The following SMARCC1 variants were observed in gnomAD, a reference collection of about 807,000 sequenced individuals.
The protein encoded by SMARCC1 is SWI/SNF related BAF chromatin remodeling complex subunit C1.
A neutral mutation model predicts 147.4 loss-of-function variants in SMARCC1; 43 were observed. The observed-to-expected ratio is 0.29, with a 90% CI of 0.23 to 0.38. The LOEUF is 0.38. Among genes scored for constraint, SMARCC1 ranks in the 10% least tolerant of loss-of-function variants. SMARCC1 has a pLI of 1.00. For synonymous variants in SMARCC1, 495 were observed against 484.4 expected, an observed-to-expected ratio of 1.02 and a Z score of -0.29; for missense variants, 1,119 against 1,381.1, an observed-to-expected ratio of 0.81 and a Z score of 3.01.
chr3:47,728,623 T>C (rs2034329655), intron 6 of SMARCC1, among the ~76,000 whole-genome samples: 1 of 152,128 alleles, frequency 6.6e-6, no homozygotes, highest in African/African-American at 2.4e-5. Flanking sequence ...AAAGTTAATG[T>C]TGGCTGGGCG....
In SMARCC1 at chr3:47,781,801, C is replaced by T; in HGVS notation, c.-4G>A. On this transcript the variant is annotated 5_prime_UTR_variant, in exon 1 of 28. Transcript: ENST00000254480. Reference sequence around the variant, plus strand: ...CGCCGCCCGCCGCTGCGGCCATCGTCGCAGCCCGTCGTCCCCACAGCCTGG... The same window carrying T: ...CGCCGCCCGCCGCTGCGGCCATCGTTGCAGCCCGTCGTCCCCACAGCCTGG... 3 of 1,425,492 alleles carry T rather than the reference C, an allele frequency of 2.1e-6. No individual in the cohort carries two copies. The highest frequency in any genetic ancestry group is 2.8e-6 in the Non-Finnish European group (3 of 1,090,830). 88.3% of individuals were successfully genotyped at this position (1,425,492 alleles called of 1,614,324 possible).
chr3:47,733,585 T>C (rs539659175), intron 5 of SMARCC1, among the ~76,000 whole-genome samples: 12 of 149,462 alleles, frequency 8.0e-5, no homozygotes, highest in Middle Eastern at 3.5e-3. Flanking sequence ...TACTAAAAAA[T>C]AAAAAATTAG....
At chr3:47,777,802 A>G (rs2034993443) in intron 1 of SMARCC1, among the ~76,000 whole-genome samples, 1 of 151,870 alleles carries the variant, frequency 6.6e-6, no homozygotes, top group South Asian at 2.1e-4. Flanking sequence ...TGCTGGGATT[A>G]CAGGTGTGAG....
At chr3:47,757,586 C>G (rs2034715559) in intron 2 of SMARCC1, among the ~76,000 whole-genome samples, 1 of 151,894 alleles carries the variant, frequency 6.6e-6, no homozygotes, top group Non-Finnish European at 1.5e-5. Context: ...ACCATCCTGG[C>G]TAACACGTGA....
chr3:47,745,241 A>C (rs2034552345), intron 3 of SMARCC1, among the ~76,000 whole-genome samples: 8 of 151,950 alleles, frequency 5.3e-5, no homozygotes, highest in Admixed American at 5.3e-4. Flanking sequence ...TGGGCGAAAA[A>C]GCGCAACTAA....
chr3:47,706,350 G>A (rs2033994165), intron 10 of SMARCC1, 59 bp downstream of exon 10: 3 of 1,433,208 alleles, frequency 2.1e-6, no homozygotes, highest in East Asian at 2.7e-5. Flanking sequence ...GGGATTATAA[G>A]TGTAAGCCAC....
At chr3:47,640,223 T>C (rs2033030372) in intron 21 of SMARCC1, among the ~76,000 whole-genome samples, 1 of 149,468 alleles carries the variant, frequency 6.7e-6, no homozygotes, top group Non-Finnish European at 1.5e-5. Flanking sequence ...AAGAAAACAA[T>C]ATAGAAAGTA....
chr3:47,668,985 A>C (rs1469366538), intron 19 of SMARCC1, among the ~76,000 whole-genome samples: 1 of 152,234 alleles, frequency 6.6e-6, no homozygotes, highest in Non-Finnish European at 1.5e-5. Flanking sequence ...TTTGATTATA[A>C]ATCCATTTAA....
intron 25 of SMARCC1, among the ~76,000 whole-genome samples, chr3:47,612,593 G>GA (rs899997759): frequency 3.1e-4 from 47 of 152,250 alleles, no homozygotes; most frequent in African/African-American, 1.1e-3. Flanking sequence ...AAGAAAAAAA[G>GA]AATCTACTAA....
Position 47,661,348 on chromosome 3 carries a change from C to G in SMARCC1, c.2266G>C (p.Gly756Arg). Residue 756 changes from glycine (G) to arginine (R), a missense_variant, in exon 21 of 28, where the codon GGT (glycine) becomes CGT (arginine). This residue lies in a region of SMARCC1 where 157 missense variants were observed against 158.6 expected (regional missense o/e 0.99). Coordinates refer to ENST00000254480, the MANE Select transcript of SMARCC1 (RefSeq NM_003074.4). The part of the protein sequence containing the change: ...RASGKVDPTY[G>R]LESSCIAGTG... Reference sequence around the variant, plus strand: ...CCTGCAATGCAGCTGCTCTCCAGACCGTAGGTGGGATCCACTTTCCCAGAG... The same window carrying G: ...CCTGCAATGCAGCTGCTCTCCAGACGGTAGGTGGGATCCACTTTCCCAGAG... The G allele has an allele frequency of 6.2e-7, 1 of 1,613,878 alleles. No individual in the cohort carries two copies.
chr3:47,656,560 C>T (rs2033264389), intron 21 of SMARCC1, among the ~76,000 whole-genome samples: 2 of 152,162 alleles, frequency 1.3e-5, no homozygotes, highest in South Asian at 2.1e-4. Flanking sequence ...ACAAGAGAGG[C>T]ACTTTTCATA....
intron 19 of SMARCC1, among the ~76,000 whole-genome samples, chr3:47,669,586 T>C (rs1437715547): frequency 6.6e-6 from 1 of 152,154 alleles, no homozygotes; most frequent in Non-Finnish European, 1.5e-5. Context: ...CAAAGCTCTC[T>C]GCGTATCACT....
chr3:47,680,150 G>A (rs1390427259), intron 15 of SMARCC1: 1 of 275,624 alleles, frequency 3.6e-6, no homozygotes, highest in Admixed American at 5.8e-5. Flanking sequence ...TGAGTTCAGG[G>A]GGCAGAGATT....
At chr3:47,707,284 C>T (rs2034004588) in intron 9 of SMARCC1, among the ~76,000 whole-genome samples, 1 of 151,676 alleles carries the variant, frequency 6.6e-6, no homozygotes, top group African/African-American at 2.4e-5. Context: ...TGCACTCCAC[C>T]CTAGGTGACA....
At chr3:47,617,890 G>T (rs1419359230) in intron 25 of SMARCC1, among the ~76,000 whole-genome samples, 1 of 152,102 alleles carries the variant, frequency 6.6e-6, no homozygotes, top group Non-Finnish European at 1.5e-5. Context: ...GATGTGACTC[G>T]TATGTTTACA....
intron 27 of SMARCC1, among the ~76,000 whole-genome samples, chr3:47,588,851 A>C (rs1018058716): frequency 6.6e-6 from 1 of 152,054 alleles, no homozygotes; most frequent in Non-Finnish European, 1.5e-5. Context: ...AGGCCTCCAC[A>C]GCTCCTGAAC....
At chr3:47,633,601 G>A (rs1484171220) in intron 24 of SMARCC1, among the ~76,000 whole-genome samples, 5 of 151,314 alleles carry the variant, frequency 3.3e-5, no homozygotes, top group Non-Finnish European at 5.9e-5. Flanking sequence ...AAAGTTAGCC[G>A]GGTATAGTGA....
intron 2 of SMARCC1, among the ~76,000 whole-genome samples, chr3:47,750,227 A>T (rs2034614448): frequency 6.6e-6 from 1 of 152,042 alleles, no homozygotes; most frequent in South Asian, 2.1e-4. Context: ...CAAGGTCAAG[A>T]GATCCAAGAC....
intron 5 of SMARCC1, among the ~76,000 whole-genome samples, chr3:47,731,191 C>T (rs780210074): frequency 8.9e-4 from 136 of 152,166 alleles, no homozygotes; most frequent in Admixed American, 2.5e-3. Flanking sequence ...ACGTTAACAG[C>T]GACTGTGCCA....
Sources: gnomAD v4.1 joint callset for allele counts (sites outside exome capture counted in the v4.1 genomes callset) on GRCh38, gnomAD v4.1.1 for gene constraint, gnomAD v4.1.1 regional missense constraint, MANE v1.5 for transcripts, NCBI Gene and HGNC (gene_info 2026-07-23, HGNC 2026-07-21) for gene names.